RUNX1T1: variants seen among roughly 807,000 people sequenced by gnomAD.
RUNX1T1 encodes the protein RUNX1 partner transcriptional co-repressor 1.
In RUNX1T1, 4 loss-of-function variants were observed where a neutral mutation model predicts 62.8. The ratio of observed to expected loss-of-function variants is 0.06; its 90% CI spans 0.03 to 0.15. The LOEUF is 0.15. Among genes scored for constraint, RUNX1T1 ranks in the 10% least tolerant of loss-of-function variants. The probability of loss-of-function intolerance (pLI) is 1.00; values close to 1 mark genes in which losing one functional copy is unlikely to be tolerated. For missense variants in RUNX1T1, 508 were observed against 754.3 expected, an observed-to-expected ratio of 0.67 and a Z score of 3.82; for synonymous variants, 291 against 286.0, an observed-to-expected ratio of 1.02 and a Z score of -0.18.
intron 1 of RUNX1T1, among the ~76,000 whole-genome samples, chr8:92,058,852 GAAATAA>G (rs1831452464): frequency 1.3e-5 from 2 of 152,062 alleles, no homozygotes; most frequent in Non-Finnish European, 2.9e-5. Context: ...TTTACTTTAA[GAAATAA>G]AAATAAACAA....
chr8:92,031,897 G>C (rs1208050149), intron 1 of RUNX1T1, among the ~76,000 whole-genome samples: 2 of 151,666 alleles, frequency 1.3e-5, no homozygotes, highest in East Asian at 3.9e-4. Flanking sequence ...TTCGAGAACA[G>C]CCTGGCCAAC....
chr8:92,075,236 G>A (rs943660868), intron 2 of RUNX1T1, among the ~76,000 whole-genome samples: 5 of 152,176 alleles, frequency 3.3e-5, no homozygotes, highest in African/African-American at 4.8e-5. Context: ...TCTTAGCAGT[G>A]GATCCTTATG....
At chr8:91,990,511 C>T (rs919760373) in intron 6 of RUNX1T1, among the ~76,000 whole-genome samples, 14 of 152,146 alleles carry the variant, frequency 9.2e-5, no homozygotes, top group Non-Finnish European at 1.9e-4. Flanking sequence ...TACTGATAAC[C>T]CTCTGATACA....
intron 1 of RUNX1T1, among the ~76,000 whole-genome samples, chr8:92,034,807 C>CGTAT (rs1563811148): frequency 3.9e-5 from 4 of 103,416 alleles, no homozygotes; most frequent in African/African-American, 1.8e-4. Context: ...TACACACACA[C>CGTAT]ACACACACAC....
chr8:92,001,427 T>C (rs561151684), intron 5 of RUNX1T1, among the ~76,000 whole-genome samples: 1 of 152,240 alleles, frequency 6.6e-6, no homozygotes, highest in East Asian at 1.9e-4. Context: ...GCTGACAAAT[T>C]ACATAACTCT....
intron 8 of RUNX1T1, among the ~76,000 whole-genome samples, chr8:91,980,595 T>G (rs2099632455): frequency 6.6e-6 from 1 of 152,224 alleles, no homozygotes; most frequent in Admixed American, 6.5e-5. Context: ...CTTCACAATC[T>G]TGAATGCCAA....
intron 1 of RUNX1T1, among the ~76,000 whole-genome samples, chr8:92,090,631 G>A (rs1032791226): frequency 6.6e-6 from 1 of 152,172 alleles, no homozygotes; most frequent in Non-Finnish European, 1.5e-5. Flanking sequence ...CTAAGTGGGG[G>A]TGAAGAGGGG....
chr8:92,042,298 A>C (rs901362486), intron 1 of RUNX1T1, among the ~76,000 whole-genome samples: 3 of 152,024 alleles, frequency 2.0e-5, no homozygotes, highest in African/African-American at 7.2e-5. Context: ...AACTTCTTAA[A>C]CTGGGCAAAT....
chr8:92,034,475 T>C (rs1468109833), intron 1 of RUNX1T1, among the ~76,000 whole-genome samples: 2 of 152,134 alleles, frequency 1.3e-5, no homozygotes, highest in African/African-American at 2.4e-5. Context: ...CTGTGACTTA[T>C]ATTAGCAAAT....
intron 1 of RUNX1T1, among the ~76,000 whole-genome samples, chr8:92,050,914 G>A (rs142994933): frequency 8.1e-4 from 123 of 152,152 alleles, no homozygotes; most frequent in African/African-American, 2.8e-3. Flanking sequence ...AATGGCAATC[G>A]TTTTCATCTC....
At chr8:91,995,469 TAGTTTACATTCTAAC>T (rs1818481418) in intron 5 of RUNX1T1, among the ~76,000 whole-genome samples, 1 of 152,174 alleles carries the variant, frequency 6.6e-6, no homozygotes. Flanking sequence ...CTCATAAGGA[TAGTTTACATTCTAAC>T]AGTTGTGAAA....
In RUNX1T1 at chr8:92,015,833, T is replaced by G. The variant is rs146653424; in HGVS notation, c.146-1013A>C. Among the ~76,000 whole-genome samples, 3 of 152,326 alleles carry G rather than the reference T, an allele frequency of 2.0e-5. No homozygotes were observed. In the East Asian group the frequency reaches 5.8e-4, roughly 29 times the overall value. On this transcript the variant is annotated intron_variant, in intron 2 of 10. Transcript: ENST00000396218. Reference sequence around the variant, plus strand: ...ATGGTTCTCTTGTCACAACTGAGTATCATAATAACCTGTCAAGAAATGCCA... The same window carrying G: ...ATGGTTCTCTTGTCACAACTGAGTAGCATAATAACCTGTCAAGAAATGCCA...
intron 3 of RUNX1T1, among the ~76,000 whole-genome samples, chr8:92,012,122 C>A (rs1162569915): frequency 1.3e-5 from 2 of 152,156 alleles, no homozygotes; most frequent in African/African-American, 2.4e-5. Context: ...GTTCTTCATA[C>A]CCCCACACTC....
chr8:91,984,721 A>T (rs1816173909), intron 8 of RUNX1T1, among the ~76,000 whole-genome samples: 1 of 152,234 alleles, frequency 6.6e-6, no homozygotes, highest in Non-Finnish European at 1.5e-5. Flanking sequence ...CTGATGATTA[A>T]TCAATTTTTG....
chr8:92,027,904 C>T (rs1333001537), intron 1 of RUNX1T1, among the ~76,000 whole-genome samples: 1 of 151,950 alleles, frequency 6.6e-6, no homozygotes, highest in African/African-American at 2.4e-5. Flanking sequence ...TAGCACTTAT[C>T]CGGCTAGCTA....
At chr8:92,102,913 A>G, upstream of RUNX1T1, 1 of 1,512,928 alleles carries the variant, frequency 6.6e-7, no homozygotes, top group East Asian at 2.7e-5. The surrounding 1 kb of genome is among the most constrained non-coding windows in gnomAD (Gnocchi z 4.5). Flanking sequence ...TGCAAATAAA[A>G]CTTCCCGTCG....
intron 8 of RUNX1T1, among the ~76,000 whole-genome samples, chr8:91,979,107 C>A (rs1000251661): frequency 5.9e-5 from 9 of 152,142 alleles, no homozygotes; most frequent in Non-Finnish European, 1.3e-4. Context: ...ACAGAAAGAA[C>A]AGAGTGATTG....
At chr8:92,015,401 T>G in intron 2 of RUNX1T1, among the ~76,000 whole-genome samples, 1 of 152,198 alleles carries the variant, frequency 6.6e-6, no homozygotes, top group East Asian at 1.9e-4. Context: ...AATGCATATT[T>G]TATGTACAAA....
At chr8:92,049,007 C>T (rs1829838262) in intron 1 of RUNX1T1, among the ~76,000 whole-genome samples, 1 of 152,138 alleles carries the variant, frequency 6.6e-6, no homozygotes, top group African/African-American at 2.4e-5. Context: ...CTTCTGGAGG[C>T]CTGTGGCCCA....
Sources: gnomAD v4.1 joint callset for allele counts (sites outside exome capture counted in the v4.1 genomes callset) on GRCh38, gnomAD v4.1.1 for gene constraint, Gnocchi (gnomAD v3.1) non-coding constraint, MANE v1.5 for transcripts, NCBI Gene and HGNC (gene_info 2026-07-23, HGNC 2026-07-21) for gene names.